Variants in AP3B1 observed in about 807,000 individuals in gnomAD.
AP3B1 encodes AP-3 complex subunit beta-1.
A neutral mutation model predicts 132.5 loss-of-function variants in AP3B1; 61 were observed. The observed-to-expected ratio is 0.46, with a 90% CI of 0.37 to 0.57. The LOEUF (loss-of-function observed/expected upper bound fraction) is 0.57, where lower values mean the gene tolerates loss of function less well. Among genes scored for constraint, AP3B1 ranks in the 20% least tolerant of loss-of-function variants. The pLI is 0.00. For missense variants in AP3B1, 1,120 were observed against 1,289.4 expected, an observed-to-expected ratio of 0.87 and a Z score of 2.01; for synonymous variants, 388 against 438.3, an observed-to-expected ratio of 0.89 and a Z score of 1.43.
chr5:78,071,528 C>G (rs187859569), intron 22 of AP3B1, among the ~76,000 whole-genome samples: 235 of 152,144 alleles, frequency 1.5e-3, no homozygotes, highest in Middle Eastern at 3.4e-3. Flanking sequence ...ATGTAACAAA[C>G]CTGCACATCT....
At chr5:78,176,474 T>C (rs1395987762) in intron 9 of AP3B1, among the ~76,000 whole-genome samples, 2 of 152,180 alleles carry the variant, frequency 1.3e-5, no homozygotes, top group Admixed American at 1.3e-4. Flanking sequence ...AATTGTGGAC[T>C]AAGTTCCAGT....
chr5:78,132,855 A>C (rs576851199), intron 15 of AP3B1, among the ~76,000 whole-genome samples: 30 of 152,354 alleles, frequency 2.0e-4, no homozygotes, highest in Admixed American at 3.3e-4. Flanking sequence ...TGTTTGTTAA[A>C]TGTACACTTC....
At chr5:78,033,360 C>G (rs2112089828) in intron 24 of AP3B1, among the ~76,000 whole-genome samples, 1 of 152,100 alleles carries the variant, frequency 6.6e-6, no homozygotes, top group South Asian at 2.1e-4. Context: ...TGCATAAAAT[C>G]AATGTGTTAT....
chr5:78,127,235 T>C (rs963648398), intron 17 of AP3B1, among the ~76,000 whole-genome samples: 1 of 152,206 alleles, frequency 6.6e-6, no homozygotes, highest in African/African-American at 2.4e-5. Flanking sequence ...ACCCCAGTTA[T>C]CTGAATCCTA....
chr5:78,101,476 G>A, intron 20 of AP3B1: 1 of 290,386 alleles, frequency 3.4e-6, no homozygotes, highest in Non-Finnish European at 6.7e-6. Context: ...GTTTGTGACA[G>A]GCATTGTACT....
intron 20 of AP3B1, among the ~76,000 whole-genome samples, chr5:78,107,068 T>C (rs1405711148): frequency 6.6e-6 from 1 of 152,082 alleles, no homozygotes; most frequent in Admixed American, 6.5e-5. Flanking sequence ...AAAGAAAAAT[T>C]CATTCACATC....
chr5:78,097,754 G>A (rs62362918), intron 21 of AP3B1, among the ~76,000 whole-genome samples: 28 of 151,996 alleles, frequency 1.8e-4, no homozygotes, highest in African/African-American at 6.3e-4. Context: ...CCCTCTGCCC[G>A]GCCACCACCC....
chr5:78,209,295 A>G (rs560966713), intron 7 of AP3B1, among the ~76,000 whole-genome samples: 1 of 152,304 alleles, frequency 6.6e-6, no homozygotes, highest in East Asian at 1.9e-4. Context: ...ACATCAACAT[A>G]GACCTTAAGT....
At chr5:78,048,023 G>T (rs1296676183) in intron 22 of AP3B1, among the ~76,000 whole-genome samples, 1 of 152,190 alleles carries the variant, frequency 6.6e-6, no homozygotes, top group Admixed American at 6.5e-5. Flanking sequence ...GTGAATAGGA[G>T]CTAAAATCCA....
intron 14 of AP3B1, among the ~76,000 whole-genome samples, chr5:78,142,225 G>A (rs1344356787): frequency 6.6e-6 from 1 of 152,082 alleles, no homozygotes; most frequent in African/African-American, 2.4e-5. Context: ...GTGACAAATT[G>A]GAAACCTTCC....
rs115969526 is a variant in AP3B1, at chr5:78,135,745, T to C, written c.1650+5398A>G. Reference sequence around the variant, plus strand: ...TAAAAGATGACATACTATTAGAGTTTAAAATCAAAAGCATCTTTTATTCAT... The same window carrying C: ...TAAAAGATGACATACTATTAGAGTTCAAAATCAAAAGCATCTTTTATTCAT... On this transcript the variant is annotated intron_variant, in intron 15 of 26. Transcript: ENST00000255194. 2.2e-3 allele frequency among the ~76,000 whole-genome samples: 337 copies of C among 152,302 alleles called. 1 individual carries two copies. The highest frequency in any genetic ancestry group is 7.8e-3 in the African/African-American group (325 of 41,582).
At chr5:78,243,613 T>A (rs72776501) in intron 2 of AP3B1, among the ~76,000 whole-genome samples, 15 of 152,174 alleles carry the variant, frequency 9.9e-5, no homozygotes, top group Admixed American at 4.6e-4. Context: ...TATCGGGGGA[T>A]GAGAAGTGCT....
At chr5:78,056,644 G>C (rs2112135198) in intron 22 of AP3B1, among the ~76,000 whole-genome samples, 2 of 152,276 alleles carry the variant, frequency 1.3e-5, no homozygotes, top group East Asian at 1.9e-4. Flanking sequence ...TGGGTGAAGA[G>C]AACTGTTCTC....
intron 2 of AP3B1, among the ~76,000 whole-genome samples, chr5:78,252,378 CTCTTAGCG>C (rs1479076324): frequency 1.3e-5 from 2 of 152,150 alleles, no homozygotes; most frequent in African/African-American, 4.8e-5. Context: ...ACCAAGTGGG[CTCTTAGCG>C]TCTTCAATTC....
chr5:78,257,940 G>GAA (rs1189071277), intron 2 of AP3B1, among the ~76,000 whole-genome samples: 1 of 152,132 alleles, frequency 6.6e-6, no homozygotes, highest in Non-Finnish European at 1.5e-5. Flanking sequence ...ATGGTGCTAG[G>GAA]AAAACTGGAT....
intron 7 of AP3B1, among the ~76,000 whole-genome samples, chr5:78,215,272 A>T (rs1287838810): frequency 5.3e-5 from 8 of 152,018 alleles, no homozygotes; most frequent in Admixed American, 5.2e-4. Flanking sequence ...AAGATAAGAC[A>T]TCAAAAGACT....
intron 8 of AP3B1, among the ~76,000 whole-genome samples, chr5:78,178,466 C>A (rs1381719994): frequency 6.6e-6 from 1 of 152,062 alleles, no homozygotes; most frequent in Admixed American, 6.6e-5. Context: ...ACTAAAAATA[C>A]AAAAATTAGG....
chr5:78,074,423 C>T (rs537860377), intron 22 of AP3B1, among the ~76,000 whole-genome samples: 5 of 151,966 alleles, frequency 3.3e-5, no homozygotes, highest in Non-Finnish European at 5.9e-5. Flanking sequence ...TGAAGCAGAC[C>T]CAGGCCAGTG....
At chr5:78,228,804 T>C (rs1746506739) in intron 3 of AP3B1, among the ~76,000 whole-genome samples, 1 of 152,270 alleles carries the variant, frequency 6.6e-6, no homozygotes, top group Non-Finnish European at 1.5e-5. Context: ...TTTATGGTAA[T>C]ACTCACATTT....
Sources: allele counts gnomAD v4.1 joint callset (sites outside exome capture counted in the v4.1 genomes callset), GRCh38; gene constraint gnomAD v4.1.1; transcripts MANE v1.5; gene names NCBI Gene and HGNC (gene_info 2026-07-23, HGNC 2026-07-21).